ABAT: variants seen among roughly 807,000 people sequenced by gnomAD.
The protein encoded by ABAT is 4-aminobutyrate aminotransferase, mitochondrial.
In ABAT, 45 loss-of-function variants were observed where a neutral mutation model predicts 64.6. The ratio of observed to expected loss-of-function variants is 0.70; its 90% CI spans 0.55 to 0.89. The LOEUF (loss-of-function observed/expected upper bound fraction) is 0.89. ABAT is among the 40% of genes least tolerant of loss of function. The pLI is 0.00. For synonymous variants in ABAT, 297 were observed against 250.5 expected, an observed-to-expected ratio of 1.19 and a Z score of -1.75; for missense variants, 633 against 658.4, an observed-to-expected ratio of 0.96 and a Z score of 0.42.
chr16:8,751,731 C>T (rs1448458289), intron 5 of ABAT, among the ~76,000 whole-genome samples: 1 of 152,148 alleles, frequency 6.6e-6, no homozygotes, highest in Non-Finnish European at 1.5e-5. Context: ...TATCAATCAA[C>T]ACACACAGCA....
Position 8,747,281 on chromosome 16 carries a change from CTTTGCACAT to C in ABAT, c.169-820_169-812del, listed in dbSNP as rs1177920270. ...CCTTTCTAATGCAAATTTATTTTTT[CTTTGCACAT>C]TTTGCATATTTTGTCCATAATGTCT... On this transcript the variant is annotated intron_variant, in intron 3 of 15. Transcript: ENST00000268251. Among the ~76,000 whole-genome samples, 5 of 152,272 alleles carry C rather than the reference CTTTGCACAT, an allele frequency of 3.3e-5. No homozygotes were observed. In the East Asian group the frequency reaches 5.8e-4, roughly 18 times the overall value.
At chr16:8,747,100 C>T (rs117155023) in intron 3 of ABAT, among the ~76,000 whole-genome samples, 19 of 152,232 alleles carry the variant, frequency 1.2e-4, no homozygotes, top group South Asian at 6.2e-4. Context: ...GCCTGGGTTC[C>T]GCATGGGTCC....
At chr16:8,721,841 A>G (rs560488197) in intron 1 of ABAT, among the ~76,000 whole-genome samples, 2 of 152,324 alleles carry the variant, frequency 1.3e-5, no homozygotes, top group South Asian at 4.1e-4. Flanking sequence ...AGAGAGAGCT[A>G]ATTTGCATTT....
At chr16:8,757,662 G>A in intron 5 of ABAT, 95 bp from the exon 6 acceptor site, 1 of 1,318,944 alleles carries the variant, frequency 7.6e-7, no homozygotes, top group East Asian at 2.3e-5. Flanking sequence ...GAGAGTTGGG[G>A]GGTTGGAAAG....
chr16:8,709,677 A>G (rs1421235548), intron 1 of ABAT, among the ~76,000 whole-genome samples: 3 of 151,926 alleles, frequency 2.0e-5, no homozygotes, highest in Non-Finnish European at 4.4e-5. Context: ...CCCAGCCTAT[A>G]TTTATTTTCA....
chr16:8,773,277 G>A (rs184679555), intron 12 of ABAT, among the ~76,000 whole-genome samples: 15 of 151,658 alleles, frequency 9.9e-5, no homozygotes, highest in African/African-American at 2.9e-4. Context: ...TCAGCCTCCC[G>A]AGTAGCTGGG....
intron 1 of ABAT, among the ~76,000 whole-genome samples, chr16:8,721,707 A>G (rs2058376866): frequency 6.6e-6 from 1 of 152,240 alleles, no homozygotes; most frequent in African/African-American, 2.4e-5. Context: ...TCTCCAGAGC[A>G]AATTGGAAGA....
intron 1 of ABAT, chr16:8,713,983 G>A (rs1260842327): frequency 8.9e-6 from 4 of 447,260 alleles, no homozygotes; most frequent in Non-Finnish European, 1.8e-5. Context: ...GTTGGGGTGT[G>A]CAGGTCGGGG....
intron 14 of ABAT, among the ~76,000 whole-genome samples, chr16:8,777,963 C>G (rs190437961): frequency 2.8e-3 from 421 of 147,730 alleles, no homozygotes; most frequent in African/African-American, 0.01. Flanking sequence ...CAAAAAGAAA[C>G]AAATTGTGCA....
In ABAT at chr16:8,721,250, C is replaced by G. The variant is rs1260726357; in HGVS notation, c.-41-14449C>G. 5.3e-5 allele frequency among the ~76,000 whole-genome samples: 8 copies of G among 152,308 alleles called. No homozygotes were observed. The East Asian group carries it at 1.3e-3, about 26-fold the overall frequency. ...GCAGTTTCATATCCAGCACCTCACA[C>G]TCTGCCTCCACAGGCTTTTTTCTCC... On this transcript the variant is annotated intron_variant, in intron 1 of 15. Coordinates refer to ENST00000268251, the MANE Select transcript of ABAT (RefSeq NM_020686.6).
At chr16:8,742,607 G>C (rs2059194376) in intron 2 of ABAT, among the ~76,000 whole-genome samples, 1 of 152,080 alleles carries the variant, frequency 6.6e-6, no homozygotes, top group Non-Finnish European at 1.5e-5. Context: ...GCTTATGCCT[G>C]TAATCCCAGC....
At chr16:8,710,506 G>C (rs1010095065) in intron 1 of ABAT, among the ~76,000 whole-genome samples, 1 of 152,034 alleles carries the variant, frequency 6.6e-6, no homozygotes, top group Non-Finnish European at 1.5e-5. Context: ...GGGAGGCGAG[G>C]TGAGAGGATT....
intron 1 of ABAT, among the ~76,000 whole-genome samples, chr16:8,722,512 A>C (rs1438537395): frequency 6.6e-6 from 1 of 152,196 alleles, no homozygotes; most frequent in Non-Finnish European, 1.5e-5. Flanking sequence ...AGTTGATTTC[A>C]AGAAAAATGT....
At chr16:8,697,613 G>GT (rs1055363904) in intron 1 of ABAT, among the ~76,000 whole-genome samples, 190 of 149,412 alleles carry the variant, frequency 1.3e-3, no homozygotes, top group African/African-American at 4.5e-3. Flanking sequence ...CAAGTTAAAG[G>GT]TTTTTTGTTG....
chr16:8,678,603 C>T (rs555008455), intron 1 of ABAT, among the ~76,000 whole-genome samples: 12 of 152,314 alleles, frequency 7.9e-5, no homozygotes, highest in South Asian at 2.1e-4. Context: ...CAGGGTCTTT[C>T]GAAACTTCAA....
Position 8,776,428 on chromosome 16 carries a change from G to A in ABAT, c.1207G>A (p.Asp403Asn), listed in dbSNP as rs751974207. The A allele has an allele frequency of 3.1e-6, 5 of 1,614,074 alleles. No homozygotes were observed. Among genetic ancestry groups the A allele is most frequent in the Non-Finnish European group, 4.2e-6 (5 of 1,180,060 alleles). ...GGTCATCAACATCATCAAGCGGGAG[G>A]ACCTGCTAAATAATGCAGCCCATGC... The part of the protein sequence containing the change: ...AEVINIIKRE[D>N]LLNNAAHAGK... Residue 403 changes from aspartate to asparagine, a missense_variant, in exon 14 of 16, where the codon GAC becomes AAC. Coordinates refer to ENST00000268251, the MANE Select transcript of ABAT (RefSeq NM_020686.6). This position sits in a 1 kb window ranked among gnomAD's most constrained non-coding sequence, Gnocchi z 4.4.
chr16:8,719,778 A>G (rs1460009379), intron 1 of ABAT, among the ~76,000 whole-genome samples: 2 of 152,124 alleles, frequency 1.3e-5, no homozygotes, highest in Non-Finnish European at 2.9e-5. Flanking sequence ...GGAGAAGGAG[A>G]AGGAAAAAAA....
chr16:8,746,812 C>T (rs1302445927), intron 3 of ABAT, among the ~76,000 whole-genome samples: 6 of 152,120 alleles, frequency 3.9e-5, no homozygotes, highest in Admixed American at 3.9e-4. Flanking sequence ...CCACAAAAAT[C>T]CCACTAGCAT....
At chr16:8,733,065 G>T (rs1278026401) in intron 1 of ABAT, among the ~76,000 whole-genome samples, 42 of 143,594 alleles carry the variant, frequency 2.9e-4, no homozygotes, top group African/African-American at 8.5e-4. Flanking sequence ...GCGGCTGGCC[G>T]GGCGGGGGGC....
Sources: gnomAD v4.1 joint callset for allele counts (sites outside exome capture counted in the v4.1 genomes callset) on GRCh38, gnomAD v4.1.1 for gene constraint, Gnocchi (gnomAD v3.1) non-coding constraint, MANE v1.5 for transcripts, NCBI Gene and HGNC (gene_info 2026-07-23, HGNC 2026-07-21) for gene names.